The following GRM1 variants were observed in gnomAD, a reference collection of about 807,000 sequenced individuals.
GRM1 encodes the protein glutamate metabotropic receptor 1.
GRM1 carries 33 observed loss-of-function variants against 90.9 expected under a neutral mutation model. The observed-to-expected ratio is 0.36, with a 90% CI of 0.28 to 0.49. The LOEUF (loss-of-function observed/expected upper bound fraction) is 0.49. Ranked by LOEUF, GRM1 falls within the 20% of genes least tolerant of loss-of-function variation. GRM1 has a pLI of 0.99. For synonymous variants in GRM1, 700 were observed against 613.2 expected (o/e 1.14, Z -2.09); for missense variants, 1,190 against 1,534.3 (o/e 0.78, Z 3.75).
At chr6:146,118,142 T>TC (rs1462783871) in intron 1 of GRM1, among the ~76,000 whole-genome samples, 4 of 140,768 alleles carry the variant, frequency 2.8e-5, no homozygotes, top group Non-Finnish European at 6.2e-5. Context: ...CTTCTTTTCT[T>TC]TTTTTTTTTT....
intron 1 of GRM1, among the ~76,000 whole-genome samples, chr6:146,072,555 C>CT (rs1191595706): frequency 4.6e-5 from 7 of 152,130 alleles, no homozygotes; most frequent in African/African-American, 9.6e-5. Context: ...AGTACTAATT[C>CT]TTTTTTTACT....
chr6:146,183,717 A>T (rs772646000), intron 2 of GRM1, among the ~76,000 whole-genome samples: 3 of 152,168 alleles, frequency 2.0e-5, no homozygotes, highest in Admixed American at 6.6e-5. Context: ...CTTCGTGTAT[A>T]GGCTGATTGC....
chr6:146,109,058 G>A (rs959892727), intron 1 of GRM1, among the ~76,000 whole-genome samples: 1 of 152,186 alleles, frequency 6.6e-6, no homozygotes, highest in African/African-American at 2.4e-5. Context: ...TGGAAAATTT[G>A]CAGCCTGACA....
chr6:146,159,604 T>TTCTC lies in GRM1; in HGVS notation c.950+42_950+45dup, dbSNP rs72225459. 7,293 of 1,208,654 alleles carry TTCTC rather than the reference T, an allele frequency of 6.0e-3. 14 individuals are homozygous for TTCTC. Among genetic ancestry groups the TTCTC allele is most frequent in the South Asian group, 0.013 (1,051 of 78,698 alleles). 74.9% of individuals were successfully genotyped at this position (1,208,654 alleles called of 1,614,324 possible). ...AGTTCTCACTCATTGGAAGGTAAGT[T>TTCTC]TCTCTCTCTCTCTCTCTCTCTCTCT... On this transcript the variant is annotated splice_region_variant and intron_variant, in intron 2 of 7. Transcript: ENST00000282753.
intron 2 of GRM1, among the ~76,000 whole-genome samples, chr6:146,211,319 C>T (rs577345588): frequency 2.7e-5 from 4 of 146,232 alleles, no homozygotes; most frequent in South Asian, 4.3e-4. Context: ...CAGTGAAACT[C>T]GAAGACAGAA....
At chr6:146,295,850 A>C (rs1783157911) in intron 2 of GRM1, among the ~76,000 whole-genome samples, 1 of 152,018 alleles carries the variant, frequency 6.6e-6, no homozygotes, top group Admixed American at 6.6e-5. Flanking sequence ...CCTAGTACCC[A>C]ATTGTTATTT....
chr6:146,307,546 A>G (rs1783622114), intron 3 of GRM1, among the ~76,000 whole-genome samples: 1 of 152,210 alleles, frequency 6.6e-6, no homozygotes. Context: ...GAAGAACAAT[A>G]AACTTTCACT....
intron 3 of GRM1, among the ~76,000 whole-genome samples, chr6:146,322,249 G>C (rs920990490): frequency 6.6e-6 from 1 of 152,198 alleles, no homozygotes; most frequent in African/African-American, 2.4e-5. Flanking sequence ...AGCAAAGATT[G>C]CTGTCTATTC....
At chr6:146,106,789 T>C (rs139584154) in intron 1 of GRM1, among the ~76,000 whole-genome samples, 1 of 152,312 alleles carries the variant, frequency 6.6e-6, no homozygotes, top group African/African-American at 2.4e-5. Context: ...TCCTTATGTA[T>C]AAGAACTAAC....
At chr6:146,116,779 C>A (rs558997514) in intron 1 of GRM1, among the ~76,000 whole-genome samples, 26 of 152,118 alleles carry the variant, frequency 1.7e-4, no homozygotes, top group Admixed American at 7.8e-4. Context: ...CCATAGTGAT[C>A]TGTGGTCACT....
chr6:146,031,584 C>G (rs960053969), intron 1 of GRM1, among the ~76,000 whole-genome samples: 2 of 151,810 alleles, frequency 1.3e-5, no homozygotes, highest in Non-Finnish European at 3.0e-5. Flanking sequence ...AAAAAACTAT[C>G]TGCTGTGATA....
At chr6:146,367,466 G>GA (rs1267497693) in intron 5 of GRM1, among the ~76,000 whole-genome samples, 6 of 152,002 alleles carry the variant, frequency 3.9e-5, no homozygotes, top group Non-Finnish European at 4.4e-5. Flanking sequence ...AGAGGGTACA[G>GA]TTTTTTACAT....
At chr6:146,063,807 C>T (rs143001203) in intron 1 of GRM1, among the ~76,000 whole-genome samples, 5 of 152,138 alleles carry the variant, frequency 3.3e-5, no homozygotes, top group Non-Finnish European at 7.4e-5. Context: ...TGGGCAGTCA[C>T]ACATATCAGA....
At chr6:146,028,232 A>AGTGTGTGTGTGT (rs60190108), upstream of GRM1, among the ~76,000 whole-genome samples, 31 of 130,360 alleles carry the variant, frequency 2.4e-4, 1 homozygote, top group South Asian at 2.7e-4. Flanking sequence ...AGTGGAAGGG[A>AGTGTGTGTGTGT]GTGTGTGTGT....
At chr6:146,277,060 C>A (rs569286226) in intron 2 of GRM1, among the ~76,000 whole-genome samples, 39 of 152,132 alleles carry the variant, frequency 2.6e-4, no homozygotes, top group Non-Finnish European at 2.9e-4. Flanking sequence ...CATGATTGCA[C>A]CCCTGCACTC....
Position 146,422,034 on chromosome 6 carries a change from G to A in GRM1, c.2661-11838G>A, listed in dbSNP as rs367952645. Among the ~76,000 whole-genome samples the A allele has an allele frequency of 1.3e-3, 201 of 152,264 alleles. 1 individual carries two copies. In the South Asian group the frequency reaches 0.022, roughly 17 times the overall value. Reference sequence around the variant, plus strand: ...GCTAAAATGGTCTTGAGTGGTGGCTGTCATTCTTTATGATTACTTTGGACA... The same window carrying A: ...GCTAAAATGGTCTTGAGTGGTGGCTATCATTCTTTATGATTACTTTGGACA... On this transcript the variant is annotated intron_variant, in intron 7 of 7. Coordinates refer to ENST00000282753, the MANE Select transcript of GRM1 (RefSeq NM_001278064.2).
intron 5 of GRM1, among the ~76,000 whole-genome samples, chr6:146,368,085 TG>T (rs1433651999): frequency 6.6e-6 from 1 of 152,128 alleles, no homozygotes; most frequent in African/African-American, 2.4e-5. Flanking sequence ...TTTTATCTCT[TG>T]GGTTAAATTT....
At chr6:146,233,450 T>G (rs934505177) in intron 2 of GRM1, among the ~76,000 whole-genome samples, 2 of 152,154 alleles carry the variant, frequency 1.3e-5, no homozygotes, top group African/African-American at 4.8e-5. Context: ...GTTGAACATT[T>G]ACTATGACGG....
intron 2 of GRM1, among the ~76,000 whole-genome samples, chr6:146,290,934 C>T (rs971301530): frequency 1.2e-4 from 18 of 151,986 alleles, no homozygotes; most frequent in Non-Finnish European, 2.9e-5. Context: ...GGGATTGATA[C>T]AAATCTTTAT....
Sources: gnomAD v4.1 joint callset for allele counts (sites outside exome capture counted in the v4.1 genomes callset) on GRCh38, gnomAD v4.1.1 for gene constraint, MANE v1.5 for transcripts, NCBI Gene and HGNC (gene_info 2026-07-23, HGNC 2026-07-21) for gene names.